COL23A1: variants seen among roughly 807,000 people sequenced by gnomAD.
COL23A1 encodes collagen type XXIII alpha 1 chain, also known as collagen alpha-1(XXIII) chain.
A neutral mutation model predicts 99.3 loss-of-function variants in COL23A1; 97 were observed. The observed-to-expected ratio is 0.98, with a 90% CI of 0.83 to 1.16. The LOEUF is 1.16. Among genes scored for constraint, COL23A1 ranks in the 50% most tolerant of loss-of-function variants. The probability of loss-of-function intolerance (pLI) is 0.00; values close to 1 mark genes in which losing one functional copy is unlikely to be tolerated. For missense variants in COL23A1, 762 were observed against 757.4 expected (o/e 1.01, Z -0.07); for synonymous variants, 320 against 308.2 (o/e 1.04, Z -0.40).
chr5:178,267,308 C>T lies in COL23A1; in HGVS notation c.521G>A (p.Arg174Gln), dbSNP rs199707984. Reference sequence around the variant, plus strand: ...AGGGAGGTCATGCCTGGTTCTTACCCGGGGGCCAAAGTCTCCTGGTGCACC... The same window carrying T: ...AGGGAGGTCATGCCTGGTTCTTACCTGGGGGCCAAAGTCTCCTGGTGCACC... ...EKGAPGDFGP[R>Q]GDQGQDGAAG... Residue 174 changes from arginine to glutamine, a missense_variant and splice_region_variant, in exon 8 of 29, where the codon CGG becomes CAG. By Grantham distance (43) the Arg-to-Gln change is conservative (BLOSUM62 1). Coordinates refer to ENST00000390654, the MANE Select transcript of COL23A1 (RefSeq NM_173465.4). 4.6e-5 allele frequency: 75 copies of T among 1,613,898 alleles called. No homozygotes were observed. The highest frequency in any genetic ancestry group is 1.8e-4 in the Admixed American group (11 of 59,992).
At chr5:178,367,372 C>A (rs1456580392) in intron 2 of COL23A1, among the ~76,000 whole-genome samples, 26 of 147,882 alleles carry the variant, frequency 1.8e-4, no homozygotes. Context: ...GAAGCAGCAG[C>A]CAGAGTATCA....
intron 2 of COL23A1, among the ~76,000 whole-genome samples, chr5:178,341,028 A>C (rs1293142275): frequency 6.6e-6 from 1 of 152,176 alleles, no homozygotes; most frequent in African/African-American, 2.4e-5. Flanking sequence ...TTGAGCTGAG[A>C]CAATTGGGCT....
chr5:178,498,252 A>ATATATG (rs1562025771), intron 2 of COL23A1, among the ~76,000 whole-genome samples: 8 of 71,144 alleles, frequency 1.1e-4, no homozygotes, highest in Non-Finnish European at 1.4e-4. Flanking sequence ...ATATATATAT[A>ATATATG]TATATAAAAG....
chr5:178,388,095 G>A (rs984342146), intron 2 of COL23A1, among the ~76,000 whole-genome samples: 12 of 152,274 alleles, frequency 7.9e-5, no homozygotes, highest in African/African-American at 2.6e-4. Context: ...GAGCCCTTCC[G>A]TTATTGCTGG....
At position 178,256,941 on chromosome 5, in the gene COL23A1, C is replaced by G; in HGVS notation, c.775-13G>C. The G allele has an allele frequency of 1.9e-6, 3 of 1,613,060 alleles. No individual in the cohort carries two copies. Among genetic ancestry groups the G allele is most frequent in the Non-Finnish European group, 1.7e-6 (2 of 1,179,632 alleles). On this transcript the variant is annotated splice_polypyrimidine_tract_variant and intron_variant, in intron 13 of 28. Transcript: ENST00000390654. ...TCCCTGGCTCGCCCTGAAACAGACACAGCTGCAGTGAGAGCAAGTGTGAGA... is the reference window on the plus strand; with the variant it reads ...TCCCTGGCTCGCCCTGAAACAGACAGAGCTGCAGTGAGAGCAAGTGTGAGA...
chr5:178,481,244 C>A (rs1757324180), intron 2 of COL23A1, among the ~76,000 whole-genome samples: 1 of 150,960 alleles, frequency 6.6e-6, no homozygotes, highest in South Asian at 2.1e-4. Flanking sequence ...TAATATAGAT[C>A]AATGACCTAA....
chr5:178,412,396 T>C (rs1167872743), intron 2 of COL23A1, among the ~76,000 whole-genome samples: 1 of 152,228 alleles, frequency 6.6e-6, no homozygotes, highest in African/African-American at 2.4e-5. Context: ...GTTTTCATTT[T>C]ACATTTTTCC....
intron 2 of COL23A1, among the ~76,000 whole-genome samples, chr5:178,542,229 T>A (rs777257935): frequency 1.2e-4 from 19 of 152,286 alleles, no homozygotes; most frequent in South Asian, 4.1e-4. Context: ...AATTTTTGTA[T>A]TTTTATTAGA....
intron 2 of COL23A1, among the ~76,000 whole-genome samples, chr5:178,460,409 G>C (rs1756055778): frequency 6.6e-6 from 1 of 152,020 alleles, no homozygotes. Flanking sequence ...GCAGTGCCAG[G>C]TGGGCTGCTG....
At chr5:178,517,873 CTTTTTTTTTTTTTTT>C (rs71577021) in intron 2 of COL23A1, among the ~76,000 whole-genome samples, 6 of 97,708 alleles carry the variant, frequency 6.1e-5, no homozygotes, top group South Asian at 3.6e-4. Context: ...AACAGCGGTT[CTTTTTTTTTTTTTTT>C]TTTTTTTTTT....
Position 178,261,011 on chromosome 5 carries a change from G to GTC in COL23A1, c.702+710_702+711insGA, listed in dbSNP as rs1189792234. On this transcript the variant is annotated intron_variant, in intron 11 of 28. Coordinates refer to ENST00000390654, the MANE Select transcript of COL23A1 (RefSeq NM_173465.4). Reference sequence around the variant, plus strand: ...TGGGTGATGGTGGTCTGTCCACACAGGTGGGTCATCTGTAGCAAGTGGGGG... The same window carrying GTC: ...TGGGTGATGGTGGTCTGTCCACACAGTCGTGGGTCATCTGTAGCAAGTGGGGG... Among the ~76,000 whole-genome samples, 107 of 122,382 alleles carry GTC rather than the reference G, an allele frequency of 8.7e-4. 1 individual carries two copies. Among genetic ancestry groups the GTC allele is most frequent in the African/African-American group, 3.4e-3 (103 of 29,968 alleles). The allele number at this position is 122,382 out of a possible 152,430, so 80.3% of individuals were successfully genotyped here.
chr5:178,370,918 T>C (rs1009136365), intron 2 of COL23A1, among the ~76,000 whole-genome samples: 7 of 152,136 alleles, frequency 4.6e-5, no homozygotes, highest in African/African-American at 1.7e-4. Flanking sequence ...CTCCAGCCTG[T>C]GTGACAGAGT....
intron 2 of COL23A1, among the ~76,000 whole-genome samples, chr5:178,473,382 C>T (rs981570101): frequency 2.6e-5 from 4 of 151,856 alleles, no homozygotes; most frequent in African/African-American, 9.7e-5. Context: ...GCAGCTTTGA[C>T]CTCCCAGGCC....
chr5:178,254,551 G>A (rs561339875), intron 16 of COL23A1, among the ~76,000 whole-genome samples: 48 of 152,274 alleles, frequency 3.2e-4, no homozygotes, highest in Non-Finnish European at 5.7e-4. Flanking sequence ...TATCTCCCAA[G>A]GCTCTGGGGG....
chr5:178,413,374 T>C (rs1312121575), intron 2 of COL23A1, among the ~76,000 whole-genome samples: 2 of 152,252 alleles, frequency 1.3e-5, no homozygotes, highest in South Asian at 4.1e-4. Flanking sequence ...ACTTGCTACA[T>C]GAAATCCAGG....
chr5:178,552,775 G>A (rs1292259734), intron 2 of COL23A1, among the ~76,000 whole-genome samples: 1 of 151,368 alleles, frequency 6.6e-6, no homozygotes, highest in Non-Finnish European at 1.5e-5. Context: ...GTGCAGTGGT[G>A]CGATCTTGGC....
rs901391706 is a variant in COL23A1, at chr5:178,589,919, C to A, written c.279G>T (p.Glu93Asp). The A allele has an allele frequency of 7.6e-7, 1 of 1,321,058 alleles. No individual in the cohort carries two copies. The highest frequency in any genetic ancestry group is 9.6e-7 in the Non-Finnish European group (1 of 1,041,736). 81.8% of individuals were successfully genotyped at this position (1,321,058 alleles called of 1,614,324 possible). A position where few individuals can be genotyped will look rare whatever the true frequency, so the allele number is the denominator to read the frequency against. The change falls in exon 1 of 29, where the codon GAG becomes GAT. Residue 93 changes from glutamate to aspartate, a missense_variant. Physicochemically the swap from Glu to Asp is conservative, Grantham distance 45. Coordinates refer to ENST00000390654, the MANE Select transcript of COL23A1 (RefSeq NM_173465.4). The surrounding 1 kb of genome is among the most constrained non-coding windows in gnomAD (Gnocchi z 5.4). ...ALDAWAEPHL[E>D]RLLREKLDGL... ...AGACGCTCACCTCCCGCAGCAGGCGCTCCAGGTGCGGCTCGGCCCAGGCGT... is the reference window on the plus strand; with the variant it reads ...AGACGCTCACCTCCCGCAGCAGGCGATCCAGGTGCGGCTCGGCCCAGGCGT...
intron 2 of COL23A1, among the ~76,000 whole-genome samples, chr5:178,363,697 C>G (rs1762300352): frequency 6.6e-6 from 1 of 152,194 alleles, no homozygotes; most frequent in Non-Finnish European, 1.5e-5. Flanking sequence ...TTCACCTCCC[C>G]ACCGGCTGTG....
chr5:178,375,007 G>A (rs1268799463), intron 2 of COL23A1, among the ~76,000 whole-genome samples: 1 of 152,150 alleles, frequency 6.6e-6, no homozygotes, highest in Non-Finnish European at 1.5e-5. Flanking sequence ...ACAGCCAAAA[G>A]GTGGCGACAA....
Sources: gnomAD v4.1 joint callset for allele counts (sites outside exome capture counted in the v4.1 genomes callset) on GRCh38, gnomAD v4.1.1 for gene constraint, Gnocchi (gnomAD v3.1) non-coding constraint, MANE v1.5 for transcripts, NCBI Gene and HGNC (gene_info 2026-07-23, HGNC 2026-07-21) for gene names.